The following TENT5D variants were observed in gnomAD, a reference collection of about 807,000 sequenced individuals.
TENT5D encodes the protein cancer/testis antigen 112.
For synonymous variants in TENT5D, 103 were observed against 100.6 expected (o/e 1.02, Z -0.15); for missense variants, 191 against 287.0 (o/e 0.67, Z 2.42).
At chrX:80,408,821 TTGA>T (rs1931565679) in intron 3 of TENT5D, among the ~76,000 whole-genome samples, 1 of 110,595 alleles carries the variant, frequency 9.0e-6, no homozygotes, top group Admixed American at 9.7e-5. Context: ...ATCAATATCC[TTGA>T]TGAACATTGA....
At chrX:80,349,782 G>A (rs941711318) in intron 3 of TENT5D, among the ~76,000 whole-genome samples, 1 of 110,755 alleles carries the variant, frequency 9.0e-6, no homozygotes, top group Admixed American at 9.6e-5. Context: ...TCTGATGTGG[G>A]CATTTAGTAC....
chrX:80,440,250 A>G (rs1341889157), intron 2 of TENT5D, among the ~76,000 whole-genome samples: 6 of 111,726 alleles, frequency 5.4e-5, no homozygotes, highest in African/African-American at 1.6e-4. Flanking sequence ...ACTGATGGAC[A>G]GTTTTTCTAC....
intron 3 of TENT5D, among the ~76,000 whole-genome samples, chrX:80,351,366 A>G (rs1462965029): frequency 9.4e-6 from 1 of 106,325 alleles, no homozygotes; most frequent in African/African-American, 3.4e-5. Context: ...TTTTTTCTCA[A>G]ATCTTGTCTT....
intron 1 of TENT5D, among the ~76,000 whole-genome samples, chrX:80,422,485 C>A (rs1036325834): frequency 9.0e-6 from 1 of 111,144 alleles, no homozygotes; most frequent in Admixed American, 9.6e-5. Flanking sequence ...AAAAAAATTG[C>A]ATTTCATTTT....
chrX:80,344,484 A>G (rs1020175051), intron 3 of TENT5D, among the ~76,000 whole-genome samples: 2 of 110,122 alleles, frequency 1.8e-5, no homozygotes, highest in Non-Finnish European at 1.9e-5. Context: ...TTTTTTTTTA[A>G]TAATAGCCAT....
At chrX:80,406,149 A>C (rs1931489013) in intron 3 of TENT5D, among the ~76,000 whole-genome samples, 3 of 111,977 alleles carry the variant, frequency 2.7e-5, no homozygotes, top group Non-Finnish European at 3.8e-5. Context: ...AAAGATGGGG[A>C]GAAAAAAGAA....
chrX:80,407,260 T>C, intron 3 of TENT5D, among the ~76,000 whole-genome samples: 1 of 110,078 alleles, frequency 9.1e-6, no homozygotes, highest in Middle Eastern at 4.7e-3. Context: ...ATATTAACTT[T>C]AAAAGTAAAT....
intron 1 of TENT5D, among the ~76,000 whole-genome samples, chrX:80,435,365 C>T (rs1932164633): frequency 1.8e-5 from 2 of 111,960 alleles, no homozygotes; most frequent in East Asian, 5.6e-4. Flanking sequence ...TTCAACAATA[C>T]AGAGATAAAC....
chrX:80,412,607 C>T (rs1248692357), intron 3 of TENT5D, among the ~76,000 whole-genome samples: 1 of 111,508 alleles, frequency 9.0e-6, no homozygotes, highest in Non-Finnish European at 1.9e-5. Flanking sequence ...CTCTCAAGTT[C>T]AAAGTTCCAC....
chrX:80,433,294 G>T (rs979828664), intron 1 of TENT5D, among the ~76,000 whole-genome samples: 1 of 112,024 alleles, frequency 8.9e-6, no homozygotes, highest in African/African-American at 3.2e-5. Flanking sequence ...ATCTGAGTGG[G>T]CCAGAGGTTT....
At chrX:80,366,208 A>AGTGTGT (rs3087109) in intron 3 of TENT5D, among the ~76,000 whole-genome samples, 7,109 of 98,354 alleles carry the variant, frequency 0.072, 227 homozygotes, top group Middle Eastern at 0.082. Flanking sequence ...GAAGACAGGG[A>AGTGTGT]GTGTGTGTGT....
At chrX:80,393,569 C>A (rs760703145) in intron 3 of TENT5D, among the ~76,000 whole-genome samples, 1 of 111,747 alleles carries the variant, frequency 8.9e-6, no homozygotes, top group South Asian at 3.7e-4. Context: ...GAGGAATTTT[C>A]AAATTTACTA....
Position 80,402,568 on chromosome X carries a change from A to G in TENT5D, c.-141-36042A>G, listed in dbSNP as rs757333185. 5.4e-5 allele frequency among the ~76,000 whole-genome samples: 6 copies of G among 112,128 alleles called. No homozygotes were observed. The East Asian group carries it at 1.7e-3, about 31-fold the overall frequency. ...TTTAGAACTGCTTTTGCTGCAGCCC[A>G]TAAATTTGGTATGTTATATTTCCAT... On this transcript the variant is annotated intron_variant, in intron 3 of 4. Transcript: ENST00000538312.
intron 3 of TENT5D, among the ~76,000 whole-genome samples, chrX:80,401,462 AAAAG>A (rs750498245): frequency 1.8e-5 from 2 of 111,712 alleles, no homozygotes; most frequent in Non-Finnish European, 3.8e-5. Flanking sequence ...TAGATGTGGT[AAAAG>A]TAGGTTTCCT....
At chrX:80,368,029 A>G (rs1476496204) in intron 3 of TENT5D, among the ~76,000 whole-genome samples, 6 of 112,034 alleles carry the variant, frequency 5.4e-5, no homozygotes, top group Non-Finnish European at 1.1e-4. Context: ...ATAAATGTTT[A>G]AGAAGATAGA....
At chrX:80,433,597 A>G (rs959906805) in intron 1 of TENT5D, among the ~76,000 whole-genome samples, 2 of 111,792 alleles carry the variant, frequency 1.8e-5, no homozygotes, top group Middle Eastern at 4.6e-3. Flanking sequence ...TATGAGCACC[A>G]AGCTTTTAAA....
At chrX:80,355,483 C>G (rs1406536317) in intron 3 of TENT5D, among the ~76,000 whole-genome samples, 5 of 111,624 alleles carry the variant, frequency 4.5e-5, no homozygotes, top group Non-Finnish European at 9.4e-5. Context: ...TGGCCATGCT[C>G]CACTGCAGCT....
intron 3 of TENT5D, among the ~76,000 whole-genome samples, chrX:80,358,188 G>C (rs1483394102): frequency 9.0e-6 from 1 of 111,365 alleles, no homozygotes; most frequent in Non-Finnish European, 1.9e-5. Context: ...AGACTTCAAT[G>C]TTAGACCTAA....
intron 3 of TENT5D, among the ~76,000 whole-genome samples, chrX:80,413,592 A>G (rs1372315232): frequency 3.6e-5 from 4 of 111,651 alleles, no homozygotes; most frequent in African/African-American, 1.3e-4. Flanking sequence ...GTCTCCCAAG[A>G]TCTGATGGGT....
Sources: allele counts gnomAD v4.1 joint callset (sites outside exome capture counted in the v4.1 genomes callset), GRCh38; gene constraint gnomAD v4.1.1; transcripts MANE v1.5; gene names NCBI Gene and HGNC (gene_info 2026-07-23, HGNC 2026-07-21).